Variants in MACF1 observed in about 807,000 individuals in gnomAD.
MACF1 encodes the protein microtubule actin crosslinking factor 1.
A neutral mutation model predicts 854.8 loss-of-function variants in MACF1; 193 were observed. The ratio of observed to expected loss-of-function variants is 0.23; its 90% CI spans 0.20 to 0.25. The LOEUF is 0.25. Ranked by LOEUF, MACF1 falls within the 10% of genes least tolerant of loss-of-function variation. MACF1 has a pLI of 1.00. For missense variants in MACF1, 7,722 were observed against 8,929.1 expected (o/e 0.86, Z 5.45); for synonymous variants, 3,185 against 3,226.7 (o/e 0.99, Z 0.44).
rs1398207372 is a variant in MACF1, at chr1:39,372,773, G to C, written c.13213+177G>C. Reference sequence around the variant, plus strand: ...GTCACCCCTTTTGCTATATAACATTGCTCCATTTTGCAAAATTCCTTCCCA... The same window carrying C: ...GTCACCCCTTTTGCTATATAACATTCCTCCATTTTGCAAAATTCCTTCCCA... On this transcript the variant is annotated intron_variant, in intron 52 of 100. Coordinates refer to ENST00000564288, the MANE Select transcript of MACF1 (RefSeq NM_001394062.1). 5.6e-6 allele frequency: 3 copies of C among 533,230 alleles called. No individual in the cohort carries two copies. In the African/African-American group the frequency reaches 5.8e-5, roughly 10 times the overall value. The allele number at this position is 533,230 out of a possible 1,614,324, so 33.0% of individuals were successfully genotyped here.
intron 6 of MACF1, among the ~76,000 whole-genome samples, chr1:39,270,418 A>G (rs1010581394): frequency 6.6e-6 from 1 of 152,166 alleles, no homozygotes; most frequent in Non-Finnish European, 1.5e-5. Flanking sequence ...TTAGGGCTTT[A>G]ACATGATTTT....
chr1:39,214,744 C>G (rs1168381959), intron 1 of MACF1, among the ~76,000 whole-genome samples: 1 of 152,164 alleles, frequency 6.6e-6, no homozygotes, highest in Non-Finnish European at 1.5e-5. Flanking sequence ...ATCTAGGGAT[C>G]TGTTCACAGT....
chr1:39,426,842 TG>T (rs1459022328), intron 61 of MACF1, among the ~76,000 whole-genome samples: 49 of 152,132 alleles, frequency 3.2e-4, no homozygotes, highest in Non-Finnish European at 6.3e-4. Flanking sequence ...GTTTCTTTTT[TG>T]TTTTTTTGCC....
chr1:39,418,281 C>T (rs756508704), intron 58 of MACF1, among the ~76,000 whole-genome samples: 1 of 152,066 alleles, frequency 6.6e-6, no homozygotes, highest in Non-Finnish European at 1.5e-5. Flanking sequence ...AACTGTTAGG[C>T]TTGGGATGCC....
At chr1:39,360,695 T>TTTTATTA (rs1277053755) in intron 47 of MACF1, 98 bp from the exon 48 acceptor site, 2 of 322,920 alleles carry the variant, frequency 6.2e-6, no homozygotes, top group Non-Finnish European at 9.8e-6. Flanking sequence ...TAATAATAAT[T>TTTTATTA]TTTATTATTT....
chr1:39,459,279 A>G (rs1424714306), intron 91 of MACF1, 30 bp downstream of exon 91: 7 of 1,585,104 alleles, frequency 4.4e-6, no homozygotes, highest in Non-Finnish European at 6.0e-6. Flanking sequence ...CCTTCCCTGA[A>G]ACAAAGTGCT....
At chr1:39,326,220 A>G (rs1019568939) in intron 35 of MACF1, among the ~76,000 whole-genome samples, 1 of 152,198 alleles carries the variant, frequency 6.6e-6, no homozygotes, top group African/African-American at 2.4e-5. Context: ...TCCCATTTGA[A>G]TCAACAGAGT....
intron 6 of MACF1, among the ~76,000 whole-genome samples, chr1:39,274,591 G>C (rs1645396911): frequency 6.6e-6 from 1 of 152,196 alleles, no homozygotes; most frequent in Admixed American, 6.5e-5. Flanking sequence ...TCTGGGACTT[G>C]AGCATTTGTG....
At chr1:39,273,176 A>G (rs1036199586) in intron 6 of MACF1, among the ~76,000 whole-genome samples, 6 of 128,950 alleles carry the variant, frequency 4.7e-5, no homozygotes, top group African/African-American at 1.8e-4. Context: ...TGGCTCTGTC[A>G]CCGAGGCTGC....
At chr1:39,425,996 A>G (rs1296042586) in intron 61 of MACF1, among the ~76,000 whole-genome samples, 1 of 152,192 alleles carries the variant, frequency 6.6e-6, no homozygotes, top group Non-Finnish European at 1.5e-5. Context: ...ATGCTTCTAA[A>G]TTATTTTTAG....
At chr1:39,169,676 T>C (rs1454263585) in intron 2 of MACF1, among the ~76,000 whole-genome samples, 3 of 151,874 alleles carry the variant, frequency 2.0e-5, no homozygotes. Context: ...TCACTTATTT[T>C]CCTAGAACAC....
intron 6 of MACF1, among the ~76,000 whole-genome samples, chr1:39,272,140 A>G (rs1304729935): frequency 6.6e-6 from 1 of 152,240 alleles, no homozygotes; most frequent in Non-Finnish European, 1.5e-5. Context: ...TTTTGTGTCC[A>G]TCATGTGATA....
chr1:39,485,391 A>C (rs1645086501), intron 100 of MACF1, 147 bp from the exon 101 acceptor site: 3 of 937,280 alleles, frequency 3.2e-6, no homozygotes, highest in African/African-American at 1.7e-5. Flanking sequence ...GGCTTCAGCA[A>C]CTTCTGTATG....
rs1441284544 is a variant in MACF1, at chr1:39,483,110, AAAC to A, written c.22282-1489_22282-1487del. On this transcript the variant is annotated intron_variant, in intron 99 of 100. Coordinates refer to ENST00000564288, the MANE Select transcript of MACF1 (RefSeq NM_001394062.1). ...TCAAAAAAAAAAAAAAAAAAAAAAA[AAAC>A]ACCCACACATTTAAAATACTCTTTT... Among the ~76,000 whole-genome samples, 50 of 122,188 alleles carry A rather than the reference AAAC, an allele frequency of 4.1e-4. 8 individuals carry two copies. Among genetic ancestry groups the A allele is most frequent in the Non-Finnish European group, 7.4e-4 (46 of 62,280 alleles). 80.2% of individuals were successfully genotyped at this position (122,188 alleles called of 152,430 possible).
At chr1:39,171,525 T>C (rs1387041030) in intron 2 of MACF1, among the ~76,000 whole-genome samples, 5 of 152,226 alleles carry the variant, frequency 3.3e-5, no homozygotes, top group Admixed American at 2.6e-4. Flanking sequence ...AATTTAGTCA[T>C]GTGGCCTTTT....
In MACF1 at chr1:39,335,758, A is replaced by G. The variant is rs2148474911; in HGVS notation, c.9170A>G (p.His3057Arg). The G allele has an allele frequency of 3.1e-6, 5 of 1,614,160 alleles. No homozygotes were observed. The highest frequency in any genetic ancestry group is 3.4e-6 in the Non-Finnish European group (4 of 1,180,014). ...GTACCTCAAGGAATTTCTGTAAAAC[A>G]TTTAGATGCTTTAACACTCTTCAGC... ...QVVPQGISVKHLDALTLFSSK... is the reference protein window; with the variant it reads ...QVVPQGISVKRLDALTLFSSK... Residue 3057 changes from histidine (H) to arginine (R), a missense_variant, in exon 37 of 101, where the codon CAT becomes CGT. By Grantham distance (29) the His-to-Arg change is conservative. Coordinates refer to ENST00000564288, the MANE Select transcript of MACF1 (RefSeq NM_001394062.1).
intron 2 of MACF1, among the ~76,000 whole-genome samples, chr1:39,109,602 C>T (rs1298197671): frequency 6.8e-6 from 1 of 146,248 alleles, no homozygotes; most frequent in East Asian, 2.0e-4. Flanking sequence ...CTTTTCTCTC[C>T]TTTTTTTTTT....
At chr1:39,233,587 G>A (rs1202313421) in intron 2 of MACF1, among the ~76,000 whole-genome samples, 1 of 151,840 alleles carries the variant, frequency 6.6e-6, no homozygotes, top group African/African-American at 2.4e-5. Flanking sequence ...GTAAGGAGGT[G>A]GTTACATAAA....
chr1:39,475,468 CAAAA>C (rs71691475), intron 97 of MACF1, among the ~76,000 whole-genome samples: 54 of 121,164 alleles, frequency 4.5e-4, no homozygotes, highest in African/African-American at 1.7e-3. Flanking sequence ...GACCCTGTCT[CAAAA>C]AAAAAAAAAA....
Sources: allele counts gnomAD v4.1 joint callset (sites outside exome capture counted in the v4.1 genomes callset), GRCh38; gene constraint gnomAD v4.1.1; transcripts MANE v1.5; gene names NCBI Gene and HGNC (gene_info 2026-07-23, HGNC 2026-07-21).